Variants in LOXHD1 observed in about 807,000 individuals in gnomAD.
LOXHD1 encodes lipoxygenase homology domain-containing protein 1.
Under a neutral mutation model 248.2 loss-of-function variants are expected in LOXHD1, and 205 were observed. The observed-to-expected ratio is 0.83, with a 90% confidence interval of 0.74 to 0.93. The LOEUF (loss-of-function observed/expected upper bound fraction) is 0.93, where lower values mean the gene tolerates loss of function less well. LOXHD1 is among the 40% of genes least tolerant of loss of function. The pLI, the probability that LOXHD1 is intolerant of heterozygous loss-of-function variation, is 0.00. For synonymous variants in LOXHD1, 1,113 were observed against 1,162.8 expected (o/e 0.96, Z 0.87); for missense variants, 2,930 against 2,971.6 (o/e 0.99, Z 0.33).
At chr18:46,520,096 G>A (rs1267217181) in intron 33 of LOXHD1, among the ~76,000 whole-genome samples, 5 of 152,148 alleles carry the variant, frequency 3.3e-5, no homozygotes, top group East Asian at 1.9e-4. Context: ...CACACCATCC[G>A]TCTGGCCACA....
chr18:46,560,389 C>T lies in LOXHD1; in HGVS notation c.2755G>A (p.Glu919Lys), dbSNP rs1568185398. 1.9e-6 allele frequency: 3 copies of T among 1,551,890 alleles called. No homozygotes were observed. The Admixed American group carries it at 5.9e-5, about 30-fold the overall frequency. ...AGCAGCTGCCGCAGCTTGTCCTTCT[C>T]CTTCTTCTTCCGGGCCTCCTCCTCC... ...TPEEEARKKK[E>K]KDKLRQLLKK... The change falls in exon 19 of 41, where the codon GAG becomes AAG. Residue 919 changes from glutamate (E) to lysine (K), a missense_variant. Glu to Lys is a moderately conservative substitution (Grantham distance 56). Coordinates refer to ENST00000642948, the MANE Select transcript of LOXHD1 (RefSeq NM_001384474.1).
In LOXHD1 at chr18:46,477,634, G is replaced by T. The variant is rs2143418193; in HGVS notation, c.6660C>A (p.Arg2220=). Residue 2220 remains arginine (R), a synonymous_variant, in exon 41 of 41, where the codon CGC becomes CGA. Coordinates refer to ENST00000642948, the MANE Select transcript of LOXHD1 (RefSeq NM_001384474.1). Reference sequence around the variant, plus strand: ...AGTAGCCACTGCTGTCGTGCTCCAGGCGCACCTTGCGCAGCTCACCCAGCT... The same window carrying T: ...AGTAGCCACTGCTGTCGTGCTCCAGTCGCACCTTGCGCAGCTCACCCAGCT... ...TLELGELRKV[R]LEHDSSGYCS... 6.4e-7 allele frequency: 1 copy of T among 1,551,778 alleles called. No homozygotes were observed. Among genetic ancestry groups the T allele is most frequent in the South Asian group, 1.2e-5 (1 of 84,064 alleles).
At chr18:46,543,434 A>G (rs1415638433) in intron 23 of LOXHD1, among the ~76,000 whole-genome samples, 1 of 152,076 alleles carries the variant, frequency 6.6e-6, no homozygotes, top group South Asian at 2.1e-4. Context: ...ATTTTTTATT[A>G]CACTTTAAGT....
At chr18:46,598,002 C>T (rs1005924282) in intron 8 of LOXHD1, among the ~76,000 whole-genome samples, 1 of 151,308 alleles carries the variant, frequency 6.6e-6, no homozygotes, top group Admixed American at 6.6e-5. Flanking sequence ...CTCCTGACCT[C>T]GTGATCTGCC....
intron 4 of LOXHD1, among the ~76,000 whole-genome samples, chr18:46,628,463 G>T (rs1281287921): frequency 3.3e-5 from 5 of 152,214 alleles, no homozygotes; most frequent in African/African-American, 7.2e-5. Flanking sequence ...CAGCAAATAG[G>T]CTCAGAGAGC....
In LOXHD1 at chr18:46,557,342, G is replaced by A; in HGVS notation, c.3350+14C>T. ...AGAGCAACACCCCTCCCTGCCCACT[G>A]CCCCCACACTCACGTGATCTCGTTG... On this transcript the variant is annotated intron_variant, in intron 21 of 40. Transcript: ENST00000642948. 1 of 1,551,854 alleles carries A rather than the reference G, an allele frequency of 6.4e-7. No homozygotes were observed. The highest frequency in any genetic ancestry group is 8.7e-7 in the Non-Finnish European group (1 of 1,147,044).
rs192376005 is a variant in LOXHD1 at position 46,592,017 on chromosome 18, G to A, written c.1570C>T (p.Arg524Cys). 3.1e-3 allele frequency: 4,736 copies of A among 1,552,186 alleles called. 6 individuals carry two copies. Among genetic ancestry groups the A allele is most frequent in the Admixed American group, 5.6e-3 (285 of 51,006 alleles). The change falls in exon 12 of 41, where the codon CGC (arginine) becomes TGC (cysteine). Residue 524 changes from arginine (R) to cysteine (C), a missense_variant. Coordinates refer to ENST00000642948, the MANE Select transcript of LOXHD1 (RefSeq NM_001384474.1). Reference protein sequence around the residue: ...NKDKYNFNCNRWLDANEDDNE... With the variant: ...NKDKYNFNCNCWLDANEDDNE... ...TCATCCTCATTGGCATCCAGCCAGCGGTTGCAATTGAAGTTGTACTTGTCT... is the reference window on the plus strand; with the variant it reads ...TCATCCTCATTGGCATCCAGCCAGCAGTTGCAATTGAAGTTGTACTTGTCT...
chr18:46,568,663 T>C (rs1352442174), intron 16 of LOXHD1, among the ~76,000 whole-genome samples: 6 of 152,208 alleles, frequency 3.9e-5, no homozygotes. Flanking sequence ...CCACATGTGC[T>C]GACCTCCCCA....
At chr18:46,500,222 T>A (rs935973737) in intron 37 of LOXHD1, among the ~76,000 whole-genome samples, 13 of 152,208 alleles carry the variant, frequency 8.5e-5, no homozygotes, top group Non-Finnish European at 5.9e-5. Flanking sequence ...ATTCACTCTT[T>A]ATTGATGACT....
intron 4 of LOXHD1, among the ~76,000 whole-genome samples, chr18:46,630,392 A>G (rs1051749470): frequency 2.0e-5 from 3 of 152,208 alleles, no homozygotes; most frequent in African/African-American, 7.2e-5. Flanking sequence ...GCTGTGGGCA[A>G]TTACTTGGCC....
intron 12 of LOXHD1, among the ~76,000 whole-genome samples, chr18:46,589,708 C>T (rs2038130320): frequency 6.6e-6 from 1 of 152,116 alleles, no homozygotes; most frequent in South Asian, 2.1e-4. Context: ...CTGTTATAAG[C>T]TGAATTGTGC....
chr18:46,477,894 C>T lies in LOXHD1; in HGVS notation c.6400G>A (p.Val2134Ile), dbSNP rs924667853. 5 of 1,551,548 alleles carry T rather than the reference C, an allele frequency of 3.2e-6. No individual in the cohort carries two copies. The highest frequency in any genetic ancestry group is 4.4e-6 in the Non-Finnish European group (5 of 1,146,838). Residue 2134 changes from valine (V) to isoleucine (I), a missense_variant, in exon 41 of 41, where the codon GTA becomes ATA. Transcript: ENST00000642948. ...PLKRKRKYFKVFEVTKTTESF... is the reference protein window; with the variant it reads ...PLKRKRKYFKIFEVTKTTESF... ...TCTGTCGTCTTGGTAACCTCGAATACCTTGAAGTACTTCCTCTTCCTCTTG... is the reference window on the plus strand; with the variant it reads ...TCTGTCGTCTTGGTAACCTCGAATATCTTGAAGTACTTCCTCTTCCTCTTG...
At chr18:46,541,019 A>G (rs1177491705) in intron 25 of LOXHD1, among the ~76,000 whole-genome samples, 1 of 152,160 alleles carries the variant, frequency 6.6e-6, no homozygotes, top group African/African-American at 2.4e-5. Flanking sequence ...GTTAGAAAAA[A>G]TTATATGCTC....
In LOXHD1 at chr18:46,533,156, A is replaced by C; in HGVS notation, c.4375+6T>G. ...ATGGTGATGAGGGTGGCCACACCAC[A>C]CTTACTGTCCAGAGGCTCTTCTACT... is the stretch of plus-strand genomic sequence containing the variant. On this transcript the variant is annotated splice_donor_region_variant and intron_variant, in intron 28 of 40. Transcript: ENST00000642948. 6.4e-7 allele frequency: 1 copy of C among 1,551,616 alleles called. No individual in the cohort carries two copies. Among genetic ancestry groups the C allele is most frequent in the Non-Finnish European group, 8.7e-7 (1 of 1,146,962 alleles).
At chr18:46,506,158 G>T (rs1197364172) in intron 36 of LOXHD1, 135 bp from the exon 37 acceptor site, 3 of 878,992 alleles carry the variant, frequency 3.4e-6, no homozygotes, top group Non-Finnish European at 5.1e-6. Context: ...GAAGGCCAGG[G>T]GTGAGGTTGG....
intron 4 of LOXHD1, among the ~76,000 whole-genome samples, chr18:46,629,796 AAAAAAAAAAAAG>A (rs1272172583): frequency 2.0e-5 from 3 of 150,810 alleles, no homozygotes; most frequent in African/African-American, 4.9e-5. Flanking sequence ...GGGCATTAAA[AAAAAAAAAAAAG>A]AAAAAAAGAA....
intron 4 of LOXHD1, among the ~76,000 whole-genome samples, chr18:46,619,579 G>T (rs569365809): frequency 2.0e-5 from 3 of 152,184 alleles, no homozygotes; most frequent in Non-Finnish European, 2.9e-5. Context: ...CATTAAGTAC[G>T]CTGGAAAATA....
intron 12 of LOXHD1, among the ~76,000 whole-genome samples, chr18:46,581,820 C>T (rs328163): frequency 0.69 from 104,547 of 152,042 alleles, 36,600 homozygotes; most frequent in South Asian, 0.77. Context: ...AGTTATTCAT[C>T]ACATATAAGG....
chr18:46,520,972 T>C (rs2035547457), intron 33 of LOXHD1, 125 bp downstream of exon 33: 1 of 1,148,310 alleles, frequency 8.7e-7, no homozygotes, highest in African/African-American at 1.5e-5. Flanking sequence ...CACACCAGGC[T>C]GCAGCGCCTG....
Sources: gnomAD v4.1 joint callset for allele counts (sites outside exome capture counted in the v4.1 genomes callset) on GRCh38, gnomAD v4.1.1 for gene constraint, MANE v1.5 for transcripts, NCBI Gene and HGNC (gene_info 2026-07-23, HGNC 2026-07-21) for gene names.